The following PTPN4 variants were observed in gnomAD, a reference collection of about 807,000 sequenced individuals.
PTPN4 encodes the protein tyrosine-protein phosphatase non-receptor type 4.
Under a neutral mutation model 135.5 loss-of-function variants are expected in PTPN4, and 49 were observed. The observed-to-expected ratio is 0.36, with a 90% CI of 0.29 to 0.46. PTPN4 has a LOEUF of 0.46. Among genes scored for constraint, PTPN4 ranks in the 20% least tolerant of loss-of-function variants. The pLI is 1.00. For synonymous variants in PTPN4, 333 were observed against 369.9 expected, an observed-to-expected ratio of 0.90 and a Z score of 1.14; for missense variants, 860 against 1,101.0, an observed-to-expected ratio of 0.78 and a Z score of 3.10.
intron 2 of PTPN4, among the ~76,000 whole-genome samples, chr2:119,818,442 G>T (rs748116875): frequency 6.6e-6 from 1 of 152,176 alleles, no homozygotes; most frequent in Non-Finnish European, 1.5e-5. Flanking sequence ...GCTAAGAATG[G>T]TTTTTTACAT....
intron 10 of PTPN4, 72 bp from the exon 11 acceptor site, chr2:119,915,107 A>AG: frequency 7.9e-7 from 1 of 1,271,170 alleles, no homozygotes; most frequent in Non-Finnish European, 1.1e-6. Flanking sequence ...TACACTTAAA[A>AG]CATTTTTTCA....
At position 119,862,473 on chromosome 2, in the gene PTPN4, A is replaced by T. The variant is rs1357092842; in HGVS notation, c.139-63A>T. 6 of 1,452,734 alleles carry T rather than the reference A, an allele frequency of 4.1e-6. No homozygotes were observed. The African/African-American group carries it at 8.5e-5, about 21-fold the overall frequency. 90.0% of individuals were successfully genotyped at this position (1,452,734 alleles called of 1,614,324 possible). ...GATGAGGACAAAAGTCAACCAGGTT[A>T]AAAAATGTGAAGAATGTAACCTATC... On this transcript the variant is annotated intron_variant, in intron 2 of 26. Coordinates refer to ENST00000263708, the MANE Select transcript of PTPN4 (RefSeq NM_002830.4).
intron 2 of PTPN4, among the ~76,000 whole-genome samples, chr2:119,848,375 G>T (rs193094253): frequency 6.6e-6 from 1 of 151,540 alleles, no homozygotes; most frequent in Non-Finnish European, 1.5e-5. Flanking sequence ...GGGTTTCACC[G>T]TGTTAGCCAG....
At chr2:119,907,221 C>G (rs929560239) in intron 10 of PTPN4, among the ~76,000 whole-genome samples, 4 of 152,174 alleles carry the variant, frequency 2.6e-5, no homozygotes, top group Non-Finnish European at 5.9e-5. Flanking sequence ...AATGACCACA[C>G]TACCCAAAGC....
In PTPN4 at chr2:119,984,410, A is replaced by G. The variant is rs1679735938; in HGVS notation, c.*7340A>G. On this transcript the variant is annotated 3_prime_UTR_variant, in exon 27 of 27. Transcript: ENST00000263708. ...AATTATTCATTTCATGTTTGATTCT[A>G]TTAAACTAGTGGCAAAACAGAATTG... Among the ~76,000 whole-genome samples, 1 of 152,186 alleles carries G rather than the reference A, an allele frequency of 6.6e-6. No individual in the cohort carries two copies. The highest frequency in any genetic ancestry group is 1.5e-5 in the Non-Finnish European group (1 of 68,024).
Position 119,964,103 on chromosome 2 carries a change from C to T in PTPN4, c.2409+1359C>T, listed in dbSNP as rs191776192. On this transcript the variant is annotated intron_variant, in intron 24 of 26. Coordinates refer to ENST00000263708, the MANE Select transcript of PTPN4 (RefSeq NM_002830.4). ...TTTTACTTTTACTCTTCAGGAAGCT[C>T]TCTTCAGTGTAAATGGCAATAACCA... Among the ~76,000 whole-genome samples the T allele has an allele frequency of 3.1e-3, 469 of 152,308 alleles. 1 individual carries two copies. Among genetic ancestry groups the T allele is most frequent in the African/African-American group, 0.011 (444 of 41,566 alleles).
intron 13 of PTPN4, among the ~76,000 whole-genome samples, chr2:119,927,276 A>G (rs1053583110): frequency 6.6e-6 from 1 of 151,582 alleles, no homozygotes. Context: ...CACCTGGCTA[A>G]TATTTTTGTA....
chr2:119,877,216 T>C lies in PTPN4; in HGVS notation c.247-107T>C, dbSNP rs1574383054. ...ATTTTTTTCCTACCTGGGCCTTTTCTGAAATGCAGCTTTTAGCATTAATCT... is the reference window on the plus strand; with the variant it reads ...ATTTTTTTCCTACCTGGGCCTTTTCCGAAATGCAGCTTTTAGCATTAATCT... On this transcript the variant is annotated intron_variant, in intron 3 of 26. Transcript: ENST00000263708. The C allele has an allele frequency of 4.7e-6, 6 of 1,279,016 alleles. No individual in the cohort carries two copies. In the East Asian group the frequency reaches 1.2e-4, roughly 26 times the overall value. The allele number at this position is 1,279,016 out of a possible 1,614,324, so 79.2% of individuals were successfully genotyped here.
At position 119,763,946 on chromosome 2, in the gene PTPN4, G is replaced by C. The variant is rs192852262; in HGVS notation, c.-18+3562G>C. ...GGCATTGGGCAAGTTGTTTAGTTCT[G>C]GGCTTCAGTCTAATCTGGTGTGAAA... On this transcript the variant is annotated intron_variant, in intron 1 of 26. Transcript: ENST00000263708. Among the ~76,000 whole-genome samples the C allele has an allele frequency of 9.9e-5, 15 of 152,236 alleles. No individual in the cohort carries two copies. The East Asian group carries it at 2.7e-3, about 27-fold the overall frequency.
chr2:119,788,199 G>GA (rs1485293826), intron 1 of PTPN4, among the ~76,000 whole-genome samples: 1 of 151,978 alleles, frequency 6.6e-6, no homozygotes, highest in East Asian at 1.9e-4. Flanking sequence ...CAGGGCTTTT[G>GA]AAAATAGGTA....
At chr2:119,862,739 G>A in intron 3 of PTPN4, 96 bp downstream of exon 3, 1 of 963,826 alleles carries the variant, frequency 1.0e-6, no homozygotes, top group Admixed American at 2.8e-5. Context: ...CTGATTTGAT[G>A]AGTTTTTTTT....
chr2:119,909,451 A>G (rs12464639), intron 10 of PTPN4, among the ~76,000 whole-genome samples: 40,740 of 152,054 alleles, frequency 0.27, 5,513 homozygotes, highest in South Asian at 0.33. Flanking sequence ...CTGCTTAGAA[A>G]AAGATTCCTT....
chr2:119,915,294 C>T, intron 11 of PTPN4, 52 bp downstream of exon 11: 1 of 1,401,266 alleles, frequency 7.1e-7, no homozygotes, highest in Non-Finnish European at 9.6e-7. Flanking sequence ...TTAAGAAATA[C>T]CCATTCATGA....
At chr2:119,936,121 A>C (rs1370495043) in intron 15 of PTPN4, among the ~76,000 whole-genome samples, 1 of 151,388 alleles carries the variant, frequency 6.6e-6, no homozygotes, top group Non-Finnish European at 1.5e-5. Context: ...TCCTGCCTCA[A>C]CCTCCCGAGT....
intron 2 of PTPN4, among the ~76,000 whole-genome samples, chr2:119,836,803 G>T (rs953269900): frequency 4.6e-5 from 7 of 152,180 alleles, no homozygotes; most frequent in Non-Finnish European, 7.3e-5. Context: ...ACCTAGCTGG[G>T]TGTGTGTGTG....
intron 2 of PTPN4, among the ~76,000 whole-genome samples, chr2:119,860,102 T>A (rs1181149775): frequency 1.3e-5 from 2 of 152,208 alleles, no homozygotes; most frequent in African/African-American, 4.8e-5. Context: ...GCATAGTTTC[T>A]TCAACCAAAG....
intron 9 of PTPN4, among the ~76,000 whole-genome samples, chr2:119,897,449 G>T (rs774222834): frequency 1.3e-5 from 2 of 152,026 alleles, no homozygotes; most frequent in Non-Finnish European, 2.9e-5. Context: ...AACAGAGTTG[G>T]GCATTTGCTA....
rs79993410 is a variant in PTPN4, at chr2:119,866,352, A to G, written c.246+3709A>G. On this transcript the variant is annotated intron_variant, in intron 3 of 26. Transcript: ENST00000263708. The stretch of plus-strand genomic sequence containing the variant: ...CTTTCTGCAGGTTCATTCTTCTGGT[A>G]GTTTTTGTTGGTTTATGATATTTGA... Among the ~76,000 whole-genome samples, 1,125 of 152,092 alleles carry G rather than the reference A, an allele frequency of 7.4e-3. 13 individuals carry two copies. The highest frequency in any genetic ancestry group is 0.026 in the African/African-American group (1,061 of 41,514).
At chr2:119,964,213 C>T (rs182650098) in intron 24 of PTPN4, among the ~76,000 whole-genome samples, 1 of 152,236 alleles carries the variant, frequency 6.6e-6, no homozygotes, top group Admixed American at 6.5e-5. Context: ...ATTTACAGGT[C>T]CTCTCATGGA....
Sources: gnomAD v4.1 joint callset for allele counts (sites outside exome capture counted in the v4.1 genomes callset) on GRCh38, gnomAD v4.1.1 for gene constraint, MANE v1.5 for transcripts, NCBI Gene and HGNC (gene_info 2026-07-23, HGNC 2026-07-21) for gene names.